The following CPA6 variants were observed in gnomAD, a reference collection of about 807,000 sequenced individuals.
CPA6 encodes carboxypeptidase A6.
In CPA6, 58 loss-of-function variants were observed where a neutral mutation model predicts 63.3. The observed-to-expected ratio is 0.92, with a 90% CI of 0.74 to 1.14. The LOEUF is 1.14. Among genes scored for constraint, CPA6 ranks in the 50% most tolerant of loss-of-function variants. The pLI is 0.00. For synonymous variants in CPA6, 185 were observed against 179.0 expected (o/e 1.03, Z -0.27); for missense variants, 565 against 526.6 (o/e 1.07, Z -0.71).
chr8:67,617,632 T>C (rs1275003330), intron 2 of CPA6, among the ~76,000 whole-genome samples: 1 of 152,226 alleles, frequency 6.6e-6, no homozygotes, highest in African/African-American at 2.4e-5. Flanking sequence ...AAGTATTAGA[T>C]TTTTATTGCT....
At chr8:67,428,208 C>T (rs1809939262) in intron 9 of CPA6, 77 bp from the exon 10 acceptor site, 1 of 767,324 alleles carries the variant, frequency 1.3e-6, no homozygotes. Flanking sequence ...GTTTGAGCCT[C>T]ATCGATCATC....
At chr8:67,618,959 T>A (rs986139782) in intron 2 of CPA6, among the ~76,000 whole-genome samples, 2 of 152,196 alleles carry the variant, frequency 1.3e-5, no homozygotes, top group South Asian at 4.1e-4. Context: ...TCTAGGGGCA[T>A]GGTTTTCTGT....
intron 1 of CPA6, among the ~76,000 whole-genome samples, chr8:67,734,894 A>G (rs993825191): frequency 4.6e-5 from 7 of 152,212 alleles, no homozygotes; most frequent in African/African-American, 1.4e-4. Context: ...TAAGATAAAG[A>G]CATTCTTAAA....
At chr8:67,425,377 A>ATTC (rs1809860385) in intron 10 of CPA6, among the ~76,000 whole-genome samples, 1 of 151,868 alleles carries the variant, frequency 6.6e-6, no homozygotes, top group Non-Finnish European at 1.5e-5. Context: ...TATTATTATT[A>ATTC]TTGTTATTTT....
rs1362385189 is a variant in CPA6 at position 67,645,179 on chromosome 8, G to T, written c.117-20928C>A. ...TCTTTCTCTGCCATCATATCACATT[G>T]TATCATATATCACATCAGATCGTAA... On this transcript the variant is annotated intron_variant, in intron 1 of 10. Transcript: ENST00000297770. Among the ~76,000 whole-genome samples, 3 of 152,162 alleles carry T rather than the reference G, an allele frequency of 2.0e-5. No individual in the cohort carries two copies. In the East Asian group the frequency reaches 5.8e-4, roughly 29 times the overall value.
chr8:67,720,041 G>T (rs1217905017), intron 1 of CPA6, among the ~76,000 whole-genome samples: 1 of 152,094 alleles, frequency 6.6e-6, no homozygotes, highest in Non-Finnish European at 1.5e-5. Context: ...CCTGGGGGCA[G>T]GTGGGCTGAG....
At chr8:67,458,871 A>G (rs1251181877) in intron 8 of CPA6, among the ~76,000 whole-genome samples, 8 of 152,370 alleles carry the variant, frequency 5.3e-5, no homozygotes, top group African/African-American at 1.4e-4. Context: ...GAGTGGTCAA[A>G]ATCTAGAACA....
At chr8:67,498,902 C>T (rs193162523) in intron 6 of CPA6, among the ~76,000 whole-genome samples, 10 of 152,244 alleles carry the variant, frequency 6.6e-5, no homozygotes, top group East Asian at 3.9e-4. Flanking sequence ...GATGGCTCTA[C>T]GTTTTCCAAG....
At chr8:67,701,092 T>C (rs1281346967) in intron 1 of CPA6, among the ~76,000 whole-genome samples, 1 of 152,144 alleles carries the variant, frequency 6.6e-6, no homozygotes, top group Non-Finnish European at 1.5e-5. Flanking sequence ...AGAGAAAACA[T>C]GGTATAGTGG....
rs1434403987 is a variant in CPA6 at position 67,484,686 on chromosome 8, C to T, written c.740G>A (p.Trp247Ter). Reference sequence around the variant, plus strand: ...GTAGGCAAAGTGACTTACATTGGTCCAACTAAAATGGTATCCATCGACGTT... The same window carrying T: ...GTAGGCAAAGTGACTTACATTGGTCTAACTAAAATGGTATCCATCGACGTT... ...VFNVDGYHFSWTNDRFWRKTR... is the reference protein window; with the variant it reads ...VFNVDGYHFS The change falls in exon 7 of 11, where the codon TGG (tryptophan) becomes TAG (stop). Residue 247 changes from tryptophan to a stop codon, truncating the protein, a stop_gained. Transcript: ENST00000297770. LOFTEE classifies it high-confidence loss of function. The T allele has an allele frequency of 6.4e-7, 1 of 1,555,152 alleles. No homozygotes were observed. The highest frequency in any genetic ancestry group is 8.9e-7 in the Non-Finnish European group (1 of 1,128,762).
chr8:67,468,980 C>T lies in CPA6; in HGVS notation c.838+14788G>A, dbSNP rs969419685. On this transcript the variant is annotated intron_variant, in intron 8 of 10. Coordinates refer to ENST00000297770, the MANE Select transcript of CPA6 (RefSeq NM_020361.5). ...TCCTTTGCTTTATTCACCTTCTGCC[C>T]TACAGTTTAGTCTACCCTGGTGTCA... Among the ~76,000 whole-genome samples the T allele has an allele frequency of 1.4e-3, 212 of 152,300 alleles. 2 individuals are homozygous for T. Among genetic ancestry groups the T allele is most frequent in the Non-Finnish European group, 1.8e-4 (12 of 68,018 alleles).
intron 1 of CPA6, among the ~76,000 whole-genome samples, chr8:67,708,252 C>T (rs1450867186): frequency 6.6e-6 from 1 of 152,168 alleles, no homozygotes; most frequent in Non-Finnish European, 1.5e-5. Flanking sequence ...GTGCTTTATG[C>T]AAATAATCAG....
At chr8:67,461,681 G>A (rs1403292353) in intron 8 of CPA6, among the ~76,000 whole-genome samples, 4 of 151,976 alleles carry the variant, frequency 2.6e-5, no homozygotes, top group Non-Finnish European at 4.4e-5. Context: ...GCGGCTGGCC[G>A]GGCAGGGGGC....
intron 2 of CPA6, among the ~76,000 whole-genome samples, chr8:67,576,065 G>T (rs573765817): frequency 6.6e-6 from 1 of 152,258 alleles, no homozygotes; most frequent in South Asian, 2.1e-4. Flanking sequence ...GATAATCAAA[G>T]CCTCAGTTGC....
At chr8:67,467,402 C>A (rs971806069) in intron 8 of CPA6, among the ~76,000 whole-genome samples, 4 of 152,150 alleles carry the variant, frequency 2.6e-5, no homozygotes, top group African/African-American at 9.7e-5. Context: ...CACCTCAAAT[C>A]CACTGCTCAC....
chr8:67,586,158 T>G (rs1338072433), intron 2 of CPA6, among the ~76,000 whole-genome samples: 1 of 152,122 alleles, frequency 6.6e-6, no homozygotes, highest in Non-Finnish European at 1.5e-5. Context: ...GAGCTTGTCA[T>G]GATTATTCCT....
At chr8:67,702,764 T>C (rs1319909371) in intron 1 of CPA6, among the ~76,000 whole-genome samples, 1 of 152,150 alleles carries the variant, frequency 6.6e-6, no homozygotes, top group Non-Finnish European at 1.5e-5. Flanking sequence ...AGCAGGCCAC[T>C]GTGCATGTGG....
chr8:67,427,634 C>T (rs990725055), intron 10 of CPA6, among the ~76,000 whole-genome samples: 23 of 152,134 alleles, frequency 1.5e-4, no homozygotes, highest in African/African-American at 5.6e-4. Context: ...ACATAAGAAA[C>T]AGCATTTCAT....
At chr8:67,552,585 A>G (rs948091650) in intron 2 of CPA6, among the ~76,000 whole-genome samples, 3 of 151,824 alleles carry the variant, frequency 2.0e-5, no homozygotes, top group Non-Finnish European at 4.4e-5. Context: ...CATCCTGGCT[A>G]ACACAGTGAA....
Sources: allele counts gnomAD v4.1 joint callset (sites outside exome capture counted in the v4.1 genomes callset), GRCh38; gene constraint gnomAD v4.1.1; transcripts MANE v1.5; gene names NCBI Gene and HGNC (gene_info 2026-07-23, HGNC 2026-07-21).